Variants in NEGR1 observed in about 807,000 individuals in gnomAD.
NEGR1 encodes the protein neuronal growth regulator 1.
In NEGR1, 10 loss-of-function variants were observed where a neutral mutation model predicts 40.9. The observed-to-expected ratio is 0.24, with a 90% CI of 0.15 to 0.42. The LOEUF is 0.42. Ranked by LOEUF, NEGR1 falls within the 10% of genes least tolerant of loss-of-function variation. The pLI, the probability that NEGR1 is intolerant of heterozygous loss-of-function variation, is 1.00. For missense variants in NEGR1, 352 were observed against 438.9 expected (o/e 0.80, Z 1.77); for synonymous variants, 185 against 166.8 (o/e 1.11, Z -0.84).
chr1:71,711,904 C>A (rs1654105993), intron 3 of NEGR1, among the ~76,000 whole-genome samples: 2 of 151,794 alleles, frequency 1.3e-5, no homozygotes, highest in Admixed American at 6.6e-5. Context: ...AACACATGCA[C>A]AAAATAAAAT....
At chr1:72,230,869 T>C (rs1654341527) in intron 1 of NEGR1, among the ~76,000 whole-genome samples, 1 of 152,168 alleles carries the variant, frequency 6.6e-6, no homozygotes, top group Admixed American at 6.6e-5. Flanking sequence ...TGATTCAACA[T>C]GGCATTTTAA....
intron 1 of NEGR1, among the ~76,000 whole-genome samples, chr1:72,048,190 C>G (rs1004107504): frequency 6.6e-6 from 1 of 151,604 alleles, no homozygotes; most frequent in Admixed American, 6.6e-5. Flanking sequence ...TGCAGCTTTT[C>G]CTTATTATCC....
At chr1:71,678,625 T>C (rs546027198) in intron 4 of NEGR1, among the ~76,000 whole-genome samples, 1 of 152,212 alleles carries the variant, frequency 6.6e-6, no homozygotes, top group East Asian at 1.9e-4. Context: ...TGAGTGGACA[T>C]TTCCTTCCAC....
chr1:72,105,962 G>T (rs890648693), intron 1 of NEGR1, among the ~76,000 whole-genome samples: 1 of 152,064 alleles, frequency 6.6e-6, no homozygotes, highest in Admixed American at 6.6e-5. Context: ...GATGCCAGAT[G>T]GCAGTGAAAA....
chr1:71,737,317 C>CA (rs1440749662), intron 3 of NEGR1, among the ~76,000 whole-genome samples: 3 of 151,836 alleles, frequency 2.0e-5, no homozygotes, highest in Non-Finnish European at 4.4e-5. Context: ...TACATTCAAA[C>CA]ACCCGTTGGA....
chr1:72,238,306 A>C (rs967237752), intron 1 of NEGR1, among the ~76,000 whole-genome samples: 2 of 151,934 alleles, frequency 1.3e-5, no homozygotes, highest in Admixed American at 6.6e-5. Context: ...TAAATAAATA[A>C]AATATGATTG....
chr1:72,199,375 T>C (rs1653120049), intron 1 of NEGR1, among the ~76,000 whole-genome samples: 1 of 152,026 alleles, frequency 6.6e-6, no homozygotes, highest in African/African-American at 2.4e-5. Flanking sequence ...TATCCCTATT[T>C]TAAAAATATG....
At chr1:72,230,909 T>C (rs550502766) in intron 1 of NEGR1, among the ~76,000 whole-genome samples, 5 of 152,248 alleles carry the variant, frequency 3.3e-5, no homozygotes, top group Admixed American at 1.3e-4. Flanking sequence ...CAAATATATA[T>C]TACTAAGCTC....
chr1:72,260,276 C>T (rs1424554669), intron 1 of NEGR1, among the ~76,000 whole-genome samples: 1 of 152,054 alleles, frequency 6.6e-6, no homozygotes, highest in African/African-American at 2.4e-5. Context: ...ATCCTCCATC[C>T]TTGGTTTCAG....
chr1:72,249,757 G>T (rs1655022523), intron 1 of NEGR1, among the ~76,000 whole-genome samples: 1 of 144,280 alleles, frequency 6.9e-6, no homozygotes, highest in South Asian at 2.3e-4. Flanking sequence ...GAGAGATGCA[G>T]TTCCCGGCAA....
intron 3 of NEGR1, among the ~76,000 whole-genome samples, chr1:71,710,247 T>C (rs1236877419): frequency 6.6e-6 from 1 of 151,942 alleles, no homozygotes; most frequent in Non-Finnish European, 1.5e-5. Context: ...AGCAAGGATA[T>C]GGAGAAAAGG....
intron 4 of NEGR1, among the ~76,000 whole-genome samples, chr1:71,623,366 A>G (rs1650669064): frequency 6.6e-6 from 1 of 151,890 alleles, no homozygotes; most frequent in African/African-American, 2.4e-5. Context: ...TGACATGGCA[A>G]TTGCCTACTC....
intron 1 of NEGR1, among the ~76,000 whole-genome samples, chr1:72,281,973 T>G (rs1444647078): frequency 6.6e-6 from 1 of 151,560 alleles, no homozygotes; most frequent in Non-Finnish European, 1.5e-5. Flanking sequence ...CCTGATAAAC[T>G]TGTCAGACTC....
At chr1:71,977,328 A>C (rs1190020725) in intron 1 of NEGR1, among the ~76,000 whole-genome samples, 4 of 152,228 alleles carry the variant, frequency 2.6e-5, no homozygotes, top group South Asian at 2.1e-4. Flanking sequence ...TCCATCTCAA[A>C]AAAAACAAAA....
At chr1:71,866,653 T>A (rs904036351) in intron 2 of NEGR1, among the ~76,000 whole-genome samples, 1 of 152,222 alleles carries the variant, frequency 6.6e-6, no homozygotes, top group African/African-American at 2.4e-5. Context: ...CCATCAACAT[T>A]ACTGGTAGTT....
intron 1 of NEGR1, among the ~76,000 whole-genome samples, chr1:72,260,975 T>C: frequency 6.6e-6 from 1 of 152,174 alleles, no homozygotes; most frequent in Middle Eastern, 3.4e-3. Context: ...TTCTGAAATA[T>C]TCTAGATATA....
intron 6 of NEGR1, among the ~76,000 whole-genome samples, chr1:71,530,695 C>T (rs115482985): frequency 0.012 from 1,772 of 151,322 alleles, 19 homozygotes; most frequent in South Asian, 0.02. Context: ...ATTTTTCACA[C>T]ATTCATAGTT....
intron 6 of NEGR1, chr1:71,423,064 T>G (rs546258724): frequency 6.6e-6 from 1 of 152,108 alleles, no homozygotes; most frequent in African/African-American, 2.4e-5. Context: ...TATTTCCTGA[T>G]CACTGAGCTA....
At chr1:72,060,126 C>T (rs1005025715) in intron 1 of NEGR1, among the ~76,000 whole-genome samples, 12 of 151,658 alleles carry the variant, frequency 7.9e-5, no homozygotes, top group African/African-American at 2.4e-4. Context: ...TAGGAAATTA[C>T]GATATTAATA....
Sources: allele counts gnomAD v4.1 joint callset (sites outside exome capture counted in the v4.1 genomes callset), GRCh38; gene constraint gnomAD v4.1.1; transcripts MANE v1.5; gene names NCBI Gene and HGNC (gene_info 2026-07-23, HGNC 2026-07-21).